Variants in RGS6 observed in about 807,000 individuals in gnomAD.
RGS6 encodes the protein regulator of G protein signaling 6.
Under a neutral mutation model 78.5 loss-of-function variants are expected in RGS6, and 30 were observed. The ratio of observed to expected loss-of-function variants is 0.38; its 90% CI spans 0.29 to 0.52. The LOEUF (loss-of-function observed/expected upper bound fraction) is 0.52, where lower values mean the gene tolerates loss of function less well. Among genes scored for constraint, RGS6 ranks in the 20% least tolerant of loss-of-function variants. The pLI is 0.85. For missense variants in RGS6, 495 were observed against 609.7 expected, an observed-to-expected ratio of 0.81 and a Z score of 1.98; for synonymous variants, 206 against 206.0, an observed-to-expected ratio of 1.00 and a Z score of 0.00.
intron 4 of RGS6, among the ~76,000 whole-genome samples, chr14:72,455,793 C>T (rs1379952192): frequency 1.3e-5 from 2 of 152,200 alleles, no homozygotes; most frequent in African/African-American, 4.8e-5. Flanking sequence ...AAAGCCTGGA[C>T]TGAATCAGCA....
At chr14:72,547,400 C>A (rs986460709) in intron 17 of RGS6, 2 of 1,357,358 alleles carry the variant, frequency 1.5e-6, no homozygotes, top group Admixed American at 2.0e-5. Context: ...GGAAGTCCCC[C>A]CAAAATGAGC....
chr14:72,009,661 C>G (rs775515295), intron 2 of RGS6, among the ~76,000 whole-genome samples: 1 of 152,172 alleles, frequency 6.6e-6, no homozygotes, highest in Non-Finnish European at 1.5e-5. Context: ...ACCCAGAGCT[C>G]CTGAGCTAGG....
chr14:72,322,999 A>T (rs1234672208), intron 2 of RGS6, among the ~76,000 whole-genome samples: 1 of 152,010 alleles, frequency 6.6e-6, no homozygotes, highest in Non-Finnish European at 1.5e-5. Context: ...AAGATACCTT[A>T]ATCAATAGCA....
rs929310814 is a variant in RGS6 at position 71,944,636 on chromosome 14, G to A, written c.-21+11695G>A. Among the ~76,000 whole-genome samples the A allele has an allele frequency of 3.7e-4, 57 of 152,322 alleles. 1 individual carries two copies. Among genetic ancestry groups the A allele is most frequent in the South Asian group, 3.3e-3 (16 of 4,828 alleles). On this transcript the variant is annotated intron_variant, in intron 1 of 17. Coordinates refer to ENST00000553525, the MANE Select transcript of RGS6 (RefSeq NM_001204424.2). ...CACATTATAGTTTAGTTCAGAGACAGCATTTTATCATCAGATCTGGAAGAG... is the reference window on the plus strand; with the variant it reads ...CACATTATAGTTTAGTTCAGAGACAACATTTTATCATCAGATCTGGAAGAG...
chr14:72,513,523 C>A (rs1368406637), intron 14 of RGS6, among the ~76,000 whole-genome samples: 1 of 152,136 alleles, frequency 6.6e-6, no homozygotes, highest in African/African-American at 2.4e-5. Context: ...CCCTTTGCAC[C>A]GAGTGGACCC....
the RGS6 span, among the ~76,000 whole-genome samples, chr14:72,590,647 T>TAA: frequency 2.0e-5 from 3 of 152,182 alleles, no homozygotes; most frequent in Non-Finnish European, 1.5e-5. Context: ...GGAACAAGAT[T>TAA]AAAAAGATAA....
chr14:72,191,029 T>G (rs554495622), intron 2 of RGS6, among the ~76,000 whole-genome samples: 2 of 152,316 alleles, frequency 1.3e-5, no homozygotes, highest in Non-Finnish European at 2.9e-5. Context: ...ATGGAAGGTC[T>G]TCATTACTCC....
At chr14:72,230,038 G>C (rs1162200092) in intron 2 of RGS6, among the ~76,000 whole-genome samples, 1 of 152,200 alleles carries the variant, frequency 6.6e-6, no homozygotes, top group Non-Finnish European at 1.5e-5. Context: ...CAATGACTCA[G>C]CCTGAGCTCC....
At chr14:72,213,350 C>A (rs1482537897) in intron 2 of RGS6, among the ~76,000 whole-genome samples, 5 of 152,166 alleles carry the variant, frequency 3.3e-5, no homozygotes, top group African/African-American at 4.8e-5. Flanking sequence ...GGCTAAGTCA[C>A]CACATGACGT....
intron 2 of RGS6, among the ~76,000 whole-genome samples, chr14:72,150,450 C>A (rs1005346184): frequency 6.6e-6 from 1 of 152,094 alleles, no homozygotes; most frequent in African/African-American, 2.4e-5. Flanking sequence ...GGAAATTATA[C>A]ACGAAGTTAG....
At chr14:72,146,580 G>C (rs1448258841) in intron 2 of RGS6, among the ~76,000 whole-genome samples, 3 of 152,076 alleles carry the variant, frequency 2.0e-5, no homozygotes, top group Admixed American at 2.0e-4. Context: ...ACAGGCATAG[G>C]ATAGCCATTC....
the RGS6 span, among the ~76,000 whole-genome samples, chr14:71,906,319 C>T: frequency 6.6e-6 from 1 of 152,196 alleles, no homozygotes; most frequent in African/African-American, 2.4e-5. Context: ...GCTGTCTGCA[C>T]AGTTGGGGGC....
At chr14:72,235,021 T>G (rs201225810) in intron 2 of RGS6, among the ~76,000 whole-genome samples, 1 of 152,158 alleles carries the variant, frequency 6.6e-6, no homozygotes, top group African/African-American at 2.4e-5. Context: ...ATGGCATGGC[T>G]TTTTTTCCTA....
the RGS6 span, among the ~76,000 whole-genome samples, chr14:71,903,042 G>A: frequency 6.6e-6 from 1 of 152,216 alleles, no homozygotes; most frequent in Admixed American, 6.5e-5. Context: ...CTACAGAAGA[G>A]ATAATGACAT....
At chr14:72,574,863 G>A in the RGS6 span, among the ~76,000 whole-genome samples, 1 of 152,170 alleles carries the variant, frequency 6.6e-6, no homozygotes, top group African/African-American at 2.4e-5. Context: ...GTCAGACCTA[G>A]ATACCAATGA....
At chr14:72,114,631 A>G (rs1183420168) in intron 2 of RGS6, among the ~76,000 whole-genome samples, 2 of 152,234 alleles carry the variant, frequency 1.3e-5, no homozygotes, top group Non-Finnish European at 2.9e-5. Context: ...CCAGTAGAAT[A>G]TTTAGTGAGG....
chr14:72,451,941 G>A (rs1319977893), intron 3 of RGS6, among the ~76,000 whole-genome samples: 1 of 152,014 alleles, frequency 6.6e-6, no homozygotes, highest in Non-Finnish European at 1.5e-5. Flanking sequence ...TAATAGAGAC[G>A]GGGTTTCACC....
chr14:72,325,021 T>C (rs2073321531), intron 2 of RGS6, among the ~76,000 whole-genome samples: 1 of 152,202 alleles, frequency 6.6e-6, no homozygotes, highest in Non-Finnish European at 1.5e-5. Flanking sequence ...GCACCTGTTG[T>C]TCCCTGACTT....
intron 3 of RGS6, among the ~76,000 whole-genome samples, chr14:72,379,246 T>A (rs2108361): frequency 0.59 from 89,394 of 151,888 alleles, 28,374 homozygotes; most frequent in African/African-American, 0.84. Context: ...GGGAAATCTT[T>A]AAAGCTTTTT....
Sources: allele counts gnomAD v4.1 joint callset (sites outside exome capture counted in the v4.1 genomes callset), GRCh38; gene constraint gnomAD v4.1.1; transcripts MANE v1.5; gene names NCBI Gene and HGNC (gene_info 2026-07-23, HGNC 2026-07-21).